Variants in SYT17 observed in about 807,000 individuals in gnomAD.
The protein encoded by SYT17 is synaptotagmin-17.
Under a neutral mutation model 46.7 loss-of-function variants are expected in SYT17, and 22 were observed. That is an observed-to-expected ratio of 0.47 (90% CI 0.34 to 0.67). The LOEUF (loss-of-function observed/expected upper bound fraction) is 0.67. SYT17 is among the 30% of genes least tolerant of loss of function. SYT17 has a pLI of 0.01. For missense variants in SYT17, 519 were observed against 612.8 expected (o/e 0.85, Z 1.62); for synonymous variants, 251 against 248.4 (o/e 1.01, Z -0.10).
chr16:19,262,532 A>G (rs1969055584), intron 7 of SYT17, among the ~76,000 whole-genome samples: 1 of 152,186 alleles, frequency 6.6e-6, no homozygotes, highest in Non-Finnish European at 1.5e-5. Flanking sequence ...TGTCATAGGA[A>G]AAAGTCCAAG....
intron 5 of SYT17, among the ~76,000 whole-genome samples, chr16:19,212,350 G>A (rs1281195589): frequency 6.6e-6 from 1 of 152,198 alleles, no homozygotes; most frequent in Non-Finnish European, 1.5e-5. Flanking sequence ...GCCGGGTATG[G>A]TGGCTCACAC....
chr16:19,259,924 A>C (rs1968843707), intron 7 of SYT17, among the ~76,000 whole-genome samples: 1 of 152,076 alleles, frequency 6.6e-6, no homozygotes, highest in African/African-American at 2.4e-5. Flanking sequence ...CATTTTAGGG[A>C]GACATAAGAC....
intron 5 of SYT17, among the ~76,000 whole-genome samples, chr16:19,206,012 A>C (rs1203697956): frequency 6.6e-6 from 1 of 152,246 alleles, no homozygotes; most frequent in African/African-American, 2.4e-5. Flanking sequence ...AAAAAAGGAA[A>C]GGAGAAAGAG....
At chr16:19,222,244 G>T (rs1367246425) in intron 5 of SYT17, among the ~76,000 whole-genome samples, 1 of 152,146 alleles carries the variant, frequency 6.6e-6, no homozygotes, top group Non-Finnish European at 1.5e-5. Context: ...GATAGATGGA[G>T]ATTTGTTATG....
intron 5 of SYT17, among the ~76,000 whole-genome samples, chr16:19,206,106 G>C (rs1481867815): frequency 1.3e-5 from 2 of 152,158 alleles, no homozygotes; most frequent in Non-Finnish European, 2.9e-5. Flanking sequence ...AGAAATGACA[G>C]GCGTCAAGAA....
intron 3 of SYT17, among the ~76,000 whole-genome samples, chr16:19,178,533 C>T (rs961918188): frequency 1.3e-5 from 2 of 152,040 alleles, no homozygotes; most frequent in Non-Finnish European, 2.9e-5. Context: ...CTCAAGTGAT[C>T]CACCCACCTC....
At chr16:19,254,504 T>C (rs576033785) in intron 7 of SYT17, among the ~76,000 whole-genome samples, 1 of 152,158 alleles carries the variant, frequency 6.6e-6, no homozygotes, top group African/African-American at 2.4e-5. Flanking sequence ...TATTATCCCC[T>C]AAAGACAAAA....
intron 3 of SYT17, among the ~76,000 whole-genome samples, chr16:19,175,491 C>G (rs1057497118): frequency 6.6e-6 from 1 of 151,896 alleles, no homozygotes; most frequent in African/African-American, 2.4e-5. Context: ...CCTATCTCTA[C>G]AAAAATTTAA....
intron 5 of SYT17, among the ~76,000 whole-genome samples, chr16:19,200,805 A>G (rs995391636): frequency 6.6e-6 from 1 of 152,190 alleles, no homozygotes; most frequent in African/African-American, 2.4e-5. Context: ...GAAAGAAGAG[A>G]AGAGGAGAGG....
At chr16:19,246,958 C>T (rs996297600) in intron 7 of SYT17, among the ~76,000 whole-genome samples, 4 of 152,002 alleles carry the variant, frequency 2.6e-5, no homozygotes, top group African/African-American at 7.3e-5. Context: ...AATGAGAAAA[C>T]GGAAGCAGAG....
chr16:19,257,159 C>T (rs1336823721), intron 7 of SYT17, among the ~76,000 whole-genome samples: 1 of 151,982 alleles, frequency 6.6e-6, no homozygotes, highest in Non-Finnish European at 1.5e-5. Context: ...TTAACTGAAT[C>T]GTCATTATGA....
At chr16:19,178,414 C>T (rs1313093875) in intron 3 of SYT17, among the ~76,000 whole-genome samples, 1 of 152,026 alleles carries the variant, frequency 6.6e-6, no homozygotes, top group East Asian at 1.9e-4. Flanking sequence ...GCCTCAGCCT[C>T]CCAAGTAGCT....
chr16:19,219,440 A>T (rs1439605738), intron 5 of SYT17, among the ~76,000 whole-genome samples: 1 of 6,108 alleles, frequency 1.6e-4, no homozygotes, highest in Non-Finnish European at 2.5e-4. Context: ...AAAAAAAAAA[A>T]AAAAAATAAT....
chr16:19,224,710 A>G lies in SYT17; in HGVS notation c.1100A>G (p.His367Arg). Reference protein sequence around the residue: ...SDPFVKIQLVHGLKLVKTKKT... With the variant: ...SDPFVKIQLVRGLKLVKTKKT... ...CCCTTTGTGAAAATCCAGCTGGTGC[A>G]TGGACTCAAACTTGTGAAAACCAAG... is the stretch of plus-strand genomic sequence containing the variant. Residue 367 changes from histidine (H) to arginine (R), a missense_variant, in exon 7 of 8, where the codon CAT becomes CGT. Transcript: ENST00000355377. 1 of 1,614,114 alleles carries G rather than the reference A, an allele frequency of 6.2e-7. No homozygotes were observed. Among genetic ancestry groups the G allele is most frequent in the Non-Finnish European group, 8.5e-7 (1 of 1,179,968 alleles).
intron 6 of SYT17, 30 bp from the exon 7 acceptor site, chr16:19,224,653 A>G (rs746311546): frequency 5.5e-5 from 89 of 1,611,354 alleles, no homozygotes; most frequent in Non-Finnish European, 7.2e-5. Flanking sequence ...ATGATCTCCA[A>G]CATTCTATGA....
At chr16:19,221,486 G>A (rs919443371) in intron 5 of SYT17, among the ~76,000 whole-genome samples, 1 of 152,214 alleles carries the variant, frequency 6.6e-6, no homozygotes, top group Non-Finnish European at 1.5e-5. Context: ...AAGTTAAAAT[G>A]TGATGTGGGG....
chr16:19,211,819 G>A (rs1965914425), intron 5 of SYT17, among the ~76,000 whole-genome samples: 1 of 151,906 alleles, frequency 6.6e-6, no homozygotes, highest in East Asian at 1.9e-4. Flanking sequence ...GTAGAGACTC[G>A]GTTTCACTGT....
intron 7 of SYT17, among the ~76,000 whole-genome samples, chr16:19,238,386 C>A (rs1485995347): frequency 6.6e-6 from 1 of 152,186 alleles, no homozygotes; most frequent in Non-Finnish European, 1.5e-5. Flanking sequence ...GAGGCCAGAA[C>A]TCTAGCCAGG....
chr16:19,198,527 T>G (rs1443288280), intron 5 of SYT17, among the ~76,000 whole-genome samples: 1 of 152,196 alleles, frequency 6.6e-6, no homozygotes. Context: ...GGGCTTTCAT[T>G]TCCACCCAGG....
Sources: gnomAD v4.1 joint callset for allele counts (sites outside exome capture counted in the v4.1 genomes callset) on GRCh38, gnomAD v4.1.1 for gene constraint, MANE v1.5 for transcripts, NCBI Gene and HGNC (gene_info 2026-07-23, HGNC 2026-07-21) for gene names.